C1QTNF3: variants seen among roughly 807,000 people sequenced by gnomAD.
C1QTNF3 encodes the protein complement C1q tumor necrosis factor-related protein 3.
A neutral mutation model predicts 32.6 loss-of-function variants in C1QTNF3; 26 were observed. The observed-to-expected ratio is 0.80, with a 90% CI of 0.58 to 1.11. C1QTNF3 has a LOEUF of 1.11. C1QTNF3 is among the 50% of genes least tolerant of loss of function. C1QTNF3 has a pLI of 0.00. For missense variants in C1QTNF3, 362 were observed against 398.2 expected (o/e 0.91, Z 0.77); for synonymous variants, 155 against 146.0 (o/e 1.06, Z -0.44).
the C1QTNF3 span, among the ~76,000 whole-genome samples, chr5:34,197,338 C>T: frequency 6.6e-6 from 1 of 152,252 alleles, no homozygotes; most frequent in African/African-American, 2.4e-5. Context: ...TCAGAGATGG[C>T]ATGGTAAAGT....
the C1QTNF3 span, among the ~76,000 whole-genome samples, chr5:34,215,621 T>C: frequency 6.6e-6 from 1 of 152,190 alleles, no homozygotes; most frequent in Non-Finnish European, 1.5e-5. Flanking sequence ...TCTCATTTTA[T>C]TGTGACTTTA....
At chr5:34,090,559 TTA>T in the C1QTNF3 span, among the ~76,000 whole-genome samples, 2 of 152,050 alleles carry the variant, frequency 1.3e-5, no homozygotes, top group East Asian at 3.8e-4. Flanking sequence ...GTTTACAATA[TTA>T]TGATTGCTCT....
intron 1 of C1QTNF3, among the ~76,000 whole-genome samples, chr5:34,036,509 T>G (rs572615033): frequency 6.6e-6 from 1 of 152,204 alleles, no homozygotes; most frequent in Non-Finnish European, 1.5e-5. Context: ...TAAAATCTAC[T>G]CCTAACAATT....
the C1QTNF3 span, among the ~76,000 whole-genome samples, chr5:34,146,444 G>C: frequency 6.6e-6 from 1 of 152,142 alleles, no homozygotes; most frequent in Non-Finnish European, 1.5e-5. Context: ...CATAAAAATA[G>C]CATGATACTT....
At chr5:34,188,377 T>C in the C1QTNF3 span, among the ~76,000 whole-genome samples, 1,494 of 152,280 alleles carry the variant, frequency 9.8e-3, 54 homozygotes, top group African/African-American at 0.034. Flanking sequence ...GACCCCGGAA[T>C]GGTAGATCCA....
At chr5:34,142,142 A>G in the C1QTNF3 span, among the ~76,000 whole-genome samples, 1 of 152,090 alleles carries the variant, frequency 6.6e-6, no homozygotes, top group Non-Finnish European at 1.5e-5. Context: ...AATAAAAGAA[A>G]CAGAGGCAGC....
chr5:34,073,352 T>C, the C1QTNF3 span, among the ~76,000 whole-genome samples: 3 of 151,636 alleles, frequency 2.0e-5, no homozygotes, highest in African/African-American at 7.3e-5. Context: ...AGTAATTGTA[T>C]GTGTGTTAAT....
the C1QTNF3 span, among the ~76,000 whole-genome samples, chr5:34,096,459 TAAG>T: frequency 1.5e-5 from 2 of 134,670 alleles, no homozygotes; most frequent in Non-Finnish European, 1.6e-5. Context: ...AAATGCTTTA[TAAG>T]AAGACAGATT....
At chr5:34,176,856 C>CATGAATGA in the C1QTNF3 span, among the ~76,000 whole-genome samples, 44,889 of 148,046 alleles carry the variant, frequency 0.3, 7,588 homozygotes, top group Admixed American at 0.38. Flanking sequence ...GACCCTATCT[C>CATGAATGA]ATGAATGAAT....
At chr5:34,195,872 C>T in the C1QTNF3 span, among the ~76,000 whole-genome samples, 8 of 152,206 alleles carry the variant, frequency 5.3e-5, no homozygotes, top group African/African-American at 1.9e-4. Context: ...ATGATAAAGC[C>T]CTAACCCCCA....
At chr5:34,136,920 G>A in the C1QTNF3 span, among the ~76,000 whole-genome samples, 76 of 152,092 alleles carry the variant, frequency 5.0e-4, no homozygotes, top group Non-Finnish European at 8.5e-4. Context: ...AACACTGCAT[G>A]TTCTCTCATA....
the C1QTNF3 span, among the ~76,000 whole-genome samples, chr5:34,123,087 G>C: frequency 5.4e-4 from 82 of 152,212 alleles, no homozygotes; most frequent in African/African-American, 1.9e-3. Context: ...GATGTGACTA[G>C]ATTTCAAAGG....
the C1QTNF3 span, among the ~76,000 whole-genome samples, chr5:34,134,433 G>A: frequency 2.0e-5 from 3 of 152,016 alleles, no homozygotes; most frequent in Non-Finnish European, 4.4e-5. Flanking sequence ...GTGCTGATTT[G>A]CTCTACACCA....
the C1QTNF3 span, among the ~76,000 whole-genome samples, chr5:34,115,218 GTT>G: frequency 6.6e-6 from 1 of 151,986 alleles, no homozygotes; most frequent in African/African-American, 2.4e-5. Context: ...CCTTGTTGCT[GTT>G]TCTTAGTAAG....
At chr5:34,172,502 T>C in the C1QTNF3 span, among the ~76,000 whole-genome samples, 129 of 152,208 alleles carry the variant, frequency 8.5e-4, no homozygotes, top group Middle Eastern at 0.02. Context: ...ATCCTAATAA[T>C]TGAGTAACTT....
chr5:34,040,247 G>A (rs1447241877), intron 1 of C1QTNF3, among the ~76,000 whole-genome samples: 1 of 152,170 alleles, frequency 6.6e-6, no homozygotes, highest in Admixed American at 6.5e-5. Context: ...AGGTAAATTT[G>A]CAGCATGCGA....
At chr5:34,178,030 G>T in the C1QTNF3 span, among the ~76,000 whole-genome samples, 1 of 150,382 alleles carries the variant, frequency 6.6e-6, no homozygotes, top group Admixed American at 6.6e-5. Flanking sequence ...ACTTTGGGAG[G>T]CCAAGGCAGG....
the C1QTNF3 span, among the ~76,000 whole-genome samples, chr5:34,140,829 C>A: frequency 6.6e-6 from 1 of 152,274 alleles, no homozygotes; most frequent in African/African-American, 2.4e-5. Flanking sequence ...ATTTGTAGCA[C>A]CCTAATAATG....
chr5:34,150,449 G>T, the C1QTNF3 span, among the ~76,000 whole-genome samples: 4 of 78,886 alleles, frequency 5.1e-5, no homozygotes, highest in Non-Finnish European at 9.8e-5. Flanking sequence ...CACATAGTTG[G>T]AAGTAAAGCT....
Sources: allele counts gnomAD v4.1 joint callset (sites outside exome capture counted in the v4.1 genomes callset), GRCh38; gene constraint gnomAD v4.1.1; transcripts MANE v1.5; gene names NCBI Gene and HGNC (gene_info 2026-07-23, HGNC 2026-07-21).